Variants in LSAMP observed in about 807,000 individuals in gnomAD.
LSAMP encodes the protein limbic system associated membrane protein, also known as limbic system-associated membrane protein.
In LSAMP, 7 loss-of-function variants were observed where a neutral mutation model predicts 38.6. The ratio of observed to expected loss-of-function variants is 0.18; its 90% CI spans 0.10 to 0.34. The LOEUF (loss-of-function observed/expected upper bound fraction) is 0.34, where lower values mean the gene tolerates loss of function less well. Among genes scored for constraint, LSAMP ranks in the 10% least tolerant of loss-of-function variants. LSAMP has a pLI of 1.00. For missense variants in LSAMP, 313 were observed against 420.0 expected, an observed-to-expected ratio of 0.75 and a Z score of 2.23; for synonymous variants, 154 against 166.8, an observed-to-expected ratio of 0.92 and a Z score of 0.59.
chr3:116,040,795 G>T (rs949059668), intron 2 of LSAMP, among the ~76,000 whole-genome samples: 21 of 152,098 alleles, frequency 1.4e-4, no homozygotes, highest in African/African-American at 4.6e-4. Context: ...TGCTGCCTAG[G>T]CTGAAGTGCA....
At chr3:116,424,482 T>C (rs1231241266) in intron 1 of LSAMP, among the ~76,000 whole-genome samples, 1 of 152,180 alleles carries the variant, frequency 6.6e-6, no homozygotes, top group Non-Finnish European at 1.5e-5. Context: ...AGGAAGCTCT[T>C]ACTAATGAAG....
chr3:116,388,721 T>C (rs1412270870), intron 1 of LSAMP, among the ~76,000 whole-genome samples: 1 of 152,172 alleles, frequency 6.6e-6, no homozygotes, highest in Non-Finnish European at 1.5e-5. Context: ...AAAATGTTCA[T>C]TTGAAGATAA....
chr3:116,008,206 C>T (rs887341670), intron 3 of LSAMP, among the ~76,000 whole-genome samples: 1 of 152,106 alleles, frequency 6.6e-6, no homozygotes, highest in African/African-American at 2.4e-5. Context: ...GGCAAATCAA[C>T]GTTTATGGTA....
chr3:116,035,613 A>G (rs1379160499), intron 2 of LSAMP, among the ~76,000 whole-genome samples: 1 of 152,178 alleles, frequency 6.6e-6, no homozygotes. Flanking sequence ...AGACAAACAC[A>G]TTAACATTTA....
intron 1 of LSAMP, among the ~76,000 whole-genome samples, chr3:116,323,634 T>C (rs571225996): frequency 4.6e-5 from 7 of 152,228 alleles, no homozygotes; most frequent in African/African-American, 1.7e-4. Flanking sequence ...TCAGAGCTGT[T>C]TGTCTCAGAT....
intron 1 of LSAMP, among the ~76,000 whole-genome samples, chr3:116,256,979 T>A (rs985384164): frequency 2.6e-5 from 4 of 152,216 alleles, no homozygotes; most frequent in Non-Finnish European, 5.9e-5. Flanking sequence ...GGGGCTGCTA[T>A]GCTTCGACTA....
At chr3:115,860,144 G>A (rs1281967786) in intron 3 of LSAMP, among the ~76,000 whole-genome samples, 1 of 152,212 alleles carries the variant, frequency 6.6e-6, no homozygotes, top group East Asian at 1.9e-4. Flanking sequence ...TGTTGTATGA[G>A]CTACCTCTTA....
chr3:116,101,437 T>C (rs556274878), intron 1 of LSAMP, among the ~76,000 whole-genome samples: 1 of 152,206 alleles, frequency 6.6e-6, no homozygotes, highest in East Asian at 1.9e-4. Flanking sequence ...TAAATTGACA[T>C]GTAATAATTG....
At chr3:115,892,005 A>G (rs1490805260) in intron 3 of LSAMP, among the ~76,000 whole-genome samples, 3 of 152,046 alleles carry the variant, frequency 2.0e-5, no homozygotes, top group Admixed American at 6.6e-5. Flanking sequence ...ATATCACTTA[A>G]CATTGCAGGA....
intron 1 of LSAMP, among the ~76,000 whole-genome samples, chr3:116,159,459 T>C (rs1363169918): frequency 3.9e-5 from 6 of 152,162 alleles, no homozygotes; most frequent in African/African-American, 1.4e-4. Flanking sequence ...ACAGATACTT[T>C]TCAAAATAAG....
intron 1 of LSAMP, among the ~76,000 whole-genome samples, chr3:116,149,743 A>C (rs1455356056): frequency 1.3e-5 from 2 of 151,966 alleles, no homozygotes; most frequent in Admixed American, 1.3e-4. Context: ...TCAAGGAAGG[A>C]GACTTTGTTG....
rs1933644845 is a variant in LSAMP at position 115,806,974 on chromosome 3, T to G, written c.*3343A>C. ...AAAGTTGGGTCTAAGGATTTCCTTT[T>G]ACGAATGGTGGAGTTTTACTTTGTA... On this transcript the variant is annotated 3_prime_UTR_variant, in exon 7 of 7. Transcript: ENST00000490035. 6.6e-6 allele frequency: 1 copy of G among 152,198 alleles called. No homozygotes were observed. The allele number at this position is 152,198 out of a possible 1,614,324, so 9.4% of individuals were successfully genotyped here.
chr3:116,122,097 G>C (rs972093308), intron 1 of LSAMP, among the ~76,000 whole-genome samples: 2 of 152,004 alleles, frequency 1.3e-5, no homozygotes, highest in African/African-American at 4.8e-5. Context: ...TCAAAGCATT[G>C]GAGATAAGGT....
chr3:115,905,481 C>G (rs192071395), intron 3 of LSAMP, among the ~76,000 whole-genome samples: 1 of 152,192 alleles, frequency 6.6e-6, no homozygotes, highest in African/African-American at 2.4e-5. Flanking sequence ...TGTACCTGTT[C>G]AGTTTTTCAT....
chr3:116,204,501 C>A (rs2046037495), intron 1 of LSAMP, among the ~76,000 whole-genome samples: 1 of 151,238 alleles, frequency 6.6e-6, no homozygotes, highest in African/African-American at 2.4e-5. Context: ...AATGGTATTG[C>A]CTAGGTTTTC....
At position 116,087,712 on chromosome 3, in the gene LSAMP, T is replaced by G. The variant is rs79569846; in HGVS notation, c.156-1156A>C. Among the ~76,000 whole-genome samples, 59 of 152,240 alleles carry G rather than the reference T, an allele frequency of 3.9e-4. 1 individual carries two copies. The East Asian group carries it at 0.011, about 29-fold the overall frequency. On this transcript the variant is annotated intron_variant, in intron 1 of 6. Coordinates refer to ENST00000490035, the MANE Select transcript of LSAMP (RefSeq NM_002338.5). ...AGTTTTTATCTCAGGTCAAAACAAC[T>G]AAACATAGACAGAAAATTGATGCAT...
chr3:116,216,037 C>G (rs1265562742), intron 1 of LSAMP, among the ~76,000 whole-genome samples: 3 of 152,094 alleles, frequency 2.0e-5, no homozygotes, highest in Non-Finnish European at 4.4e-5. Context: ...TTATATAGCT[C>G]TAAACATTAA....
Position 116,411,353 on chromosome 3 carries a change from AT to A in LSAMP, c.155+33523del, listed in dbSNP as rs543733859. ...TATGTTTAGTGCGGCACTATCCACAATAGCAAAGACTTGGAACCAACCCAAA... is the reference window on the plus strand; with the variant it reads ...TATGTTTAGTGCGGCACTATCCACAAAGCAAAGACTTGGAACCAACCCAAA... On this transcript the variant is annotated intron_variant, in intron 1 of 6. Transcript: ENST00000490035. Among the ~76,000 whole-genome samples the A allele has an allele frequency of 2.7e-3, 416 of 152,136 alleles. 2 individuals carry two copies. Among genetic ancestry groups the A allele is most frequent in the African/African-American group, 9.5e-3 (395 of 41,488 alleles).
chr3:116,376,209 G>A (rs2048490810), intron 1 of LSAMP, among the ~76,000 whole-genome samples: 1 of 151,984 alleles, frequency 6.6e-6, no homozygotes. Flanking sequence ...TCTGATAAAT[G>A]CAATAAGGTG....
Sources: gnomAD v4.1 joint callset for allele counts (sites outside exome capture counted in the v4.1 genomes callset) on GRCh38, gnomAD v4.1.1 for gene constraint, MANE v1.5 for transcripts, NCBI Gene and HGNC (gene_info 2026-07-23, HGNC 2026-07-21) for gene names.